Variants in SNTA1 observed in about 807,000 individuals in gnomAD.
SNTA1 encodes the protein alpha-1-syntrophin.
In SNTA1, 31 loss-of-function variants were observed where a neutral mutation model predicts 47.1. The ratio of observed to expected loss-of-function variants is 0.66; its 90% CI spans 0.49 to 0.89. The LOEUF (loss-of-function observed/expected upper bound fraction) is 0.89, where lower values mean the gene tolerates loss of function less well. Among genes scored for constraint, SNTA1 ranks in the 40% least tolerant of loss-of-function variants. The pLI is 0.00. For synonymous variants in SNTA1, 300 were observed against 313.6 expected, an observed-to-expected ratio of 0.96 and a Z score of 0.46; for missense variants, 575 against 693.0, an observed-to-expected ratio of 0.83 and a Z score of 1.91.
rs1568748410 is a variant in SNTA1 at position 33,412,662 on chromosome 20, C to T, written c.822G>A (p.Arg274=). 1 of 1,613,952 alleles carries T rather than the reference C, an allele frequency of 6.2e-7. No individual in the cohort carries two copies. Among genetic ancestry groups the T allele is most frequent in the Non-Finnish European group, 8.5e-7 (1 of 1,180,020 alleles). The stretch of plus-strand genomic sequence containing the variant: ...ACAGTGCCTGCAGCTCATCCTTGAC[C>T]CGCGGCGTCAGAGTATTGACCTGGG... ...IQAQVNTLTP[R]VKDELQALLA... Residue 274 remains arginine, a synonymous_variant, in exon 4 of 8, where the codon CGG becomes CGA. Coordinates refer to ENST00000217381, the MANE Select transcript of SNTA1 (RefSeq NM_003098.3).
intron 1 of SNTA1, among the ~76,000 whole-genome samples, chr20:33,440,017 C>T (rs375095264): frequency 5.3e-5 from 8 of 151,910 alleles, no homozygotes; most frequent in African/African-American, 1.7e-4. Context: ...CCCAGCTACT[C>T]GGGAGGCTGA....
At chr20:33,443,208 A>C in intron 1 of SNTA1, 103 bp downstream of exon 1, 3 of 890,004 alleles carry the variant, frequency 3.4e-6, no homozygotes, top group Non-Finnish European at 4.8e-6. Context: ...TTACCCCCAG[A>C]CAGGAAGCCT....
In SNTA1 at chr20:33,408,618, G is replaced by C; in HGVS notation, c.1426-19C>G. ...CCAGCTGCTGGAGGGTGGATGGAGA[G>C]AAGAGTCAGGGCCCTGGCCAGCCTG... On this transcript the variant is annotated intron_variant, in intron 7 of 7. Coordinates refer to ENST00000217381, the MANE Select transcript of SNTA1 (RefSeq NM_003098.3). 1.2e-6 allele frequency: 2 copies of C among 1,612,246 alleles called. No individual in the cohort carries two copies. The highest frequency in any genetic ancestry group is 4.5e-5 in the East Asian group (2 of 44,870).
intron 2 of SNTA1, among the ~76,000 whole-genome samples, chr20:33,426,162 AGCTGG>A (rs1196844911): frequency 1.3e-5 from 2 of 151,988 alleles, no homozygotes; most frequent in Non-Finnish European, 2.9e-5. Context: ...TAAAAGATTC[AGCTGG>A]GCCAGGCGCA....
rs535475086 is a variant in SNTA1 at position 33,417,378 on chromosome 20, G to A, written c.701+341C>T. Among the ~76,000 whole-genome samples, 17 of 152,232 alleles carry A rather than the reference G, an allele frequency of 1.1e-4. No individual in the cohort carries two copies. In the South Asian group the frequency reaches 3.1e-3, roughly 28 times the overall value. On this transcript the variant is annotated intron_variant, in intron 3 of 7. Coordinates refer to ENST00000217381, the MANE Select transcript of SNTA1 (RefSeq NM_003098.3). ...GAGCTCCAGCAGAGTGGGAAGAGAC[G>A]AGAGGATCAGTGAGTCCAACAACCT...
intron 6 of SNTA1, 126 bp downstream of exon 6, chr20:33,410,009 A>G: frequency 3.3e-6 from 3 of 915,948 alleles, no homozygotes; most frequent in Non-Finnish European, 5.3e-6. Flanking sequence ...CAGGTGATCC[A>G]CCCACCTTGA....
chr20:33,438,891 T>C lies in SNTA1; in HGVS notation c.446A>G (p.Asp149Gly). 6.2e-7 allele frequency: 1 copy of C among 1,614,100 alleles called. No individual in the cohort carries two copies. The highest frequency in any genetic ancestry group is 1.1e-5 in the South Asian group (1 of 91,088). The change falls in exon 2 of 8, where the codon GAT (aspartate) becomes GGT (glycine). Residue 149 changes from aspartate to glycine, a missense_variant. Transcript: ENST00000217381. ...NGEDLSSATH[D>G]EAVQVLKKTG... ...CTTCTTGAGGACCTGCACCGCCTCATCATGGGTAGCAGAGGACAAGTCTTC... is the reference window on the plus strand; with the variant it reads ...CTTCTTGAGGACCTGCACCGCCTCACCATGGGTAGCAGAGGACAAGTCTTC...
chr20:33,415,795 A>AC (rs2146769267), intron 3 of SNTA1, among the ~76,000 whole-genome samples: 1 of 150,754 alleles, frequency 6.6e-6, no homozygotes, highest in African/African-American at 2.4e-5. Context: ...TCTGTCCCAA[A>AC]AAAAAAAAAA....
At chr20:33,420,584 T>A (rs1026276373) in intron 2 of SNTA1, among the ~76,000 whole-genome samples, 2 of 152,186 alleles carry the variant, frequency 1.3e-5, no homozygotes, top group African/African-American at 4.8e-5. Context: ...CCTGTCTTCC[T>A]CCCTGGCTTC....
At chr20:33,440,692 C>T (rs1990557059) in intron 1 of SNTA1, among the ~76,000 whole-genome samples, 1 of 152,120 alleles carries the variant, frequency 6.6e-6, no homozygotes, top group Non-Finnish European at 1.5e-5. Context: ...GCGGTGTGTG[C>T]CTATAATTCC....
intron 2 of SNTA1, among the ~76,000 whole-genome samples, chr20:33,426,184 C>A (rs1990164679): frequency 6.6e-6 from 1 of 152,086 alleles, no homozygotes; most frequent in African/African-American, 2.4e-5. Context: ...CGCAGTGACT[C>A]ACGCCTGTAA....
At chr20:33,439,436 G>A (rs1033509418) in intron 1 of SNTA1, among the ~76,000 whole-genome samples, 1 of 152,172 alleles carries the variant, frequency 6.6e-6, no homozygotes, top group Non-Finnish European at 1.5e-5. Context: ...AGGCTGCAGT[G>A]AGCTGAGATT....
rs199762207 is a variant in SNTA1, at chr20:33,417,751, C to G, written c.669G>C (p.Ser223=). The part of the protein sequence containing the change: ...KHMSLKMAYV[S]KRCTPNDPEP... ...CCGGGTCATTGGGGGTGCACCTCTT[C>G]GAGACATATGCCATCTTCAAGGACA... The change falls in exon 3 of 8, where the codon TCG becomes TCC. Residue 223 remains serine, a synonymous_variant. Coordinates refer to ENST00000217381, the MANE Select transcript of SNTA1 (RefSeq NM_003098.3). 3.1e-6 allele frequency: 5 copies of G among 1,614,106 alleles called. No homozygotes were observed. The East Asian group carries it at 1.1e-4, about 36-fold the overall frequency.
chr20:33,438,921 T>C lies in SNTA1; in HGVS notation c.416A>G (p.Asn139Ser). The change falls in exon 2 of 8, where the codon AAT becomes AGT. Residue 139 changes from asparagine (N) to serine (S), a missense_variant. Transcript: ENST00000217381. ...LFVGDAILSV[N>S]GEDLSSATHD... ...GGTAGCAGAGGACAAGTCTTCCCCA[T>C]TCACAGACAGGATGGCATCCCCCAC... The C allele has an allele frequency of 6.2e-7, 1 of 1,614,140 alleles. No individual in the cohort carries two copies. Among genetic ancestry groups the C allele is most frequent in the Non-Finnish European group, 8.5e-7 (1 of 1,179,968 alleles).
Position 33,408,787 on chromosome 20 carries a change from G to A in SNTA1, c.1339C>T (p.Arg447Ter), listed in dbSNP as rs1187536758. ...ATCTGCAGCTTCTCGAAGGGCTGTC[G>A]CAGGAGCACAGCTCGGGCTGCACCT... ...EPGAARAVLLRQPFEKLQMSS... is the reference protein window; with the variant it reads ...EPGAARAVLL Residue 447 changes from arginine to a stop codon, truncating the protein, a stop_gained, in exon 7 of 8, where the codon CGA (arginine) becomes TGA (stop). Transcript: ENST00000217381. LOFTEE classifies it high-confidence loss of function. The A allele has an allele frequency of 1.9e-5, 31 of 1,613,942 alleles. No individual in the cohort carries two copies. The highest frequency in any genetic ancestry group is 2.4e-5 in the Non-Finnish European group (28 of 1,179,920).
intron 2 of SNTA1, among the ~76,000 whole-genome samples, chr20:33,433,210 G>A (rs966569524): frequency 3.3e-5 from 5 of 150,280 alleles, no homozygotes; most frequent in Non-Finnish European, 5.9e-5. Context: ...GATTACAGGC[G>A]TGAGCCACCT....
chr20:33,410,049 G>T, intron 6 of SNTA1, 86 bp downstream of exon 6: 1 of 1,403,582 alleles, frequency 7.1e-7, no homozygotes, highest in Non-Finnish European at 1.0e-6. Context: ...ATCCCCTCCT[G>T]AAGTGCCCTA....
At position 33,412,370 on chromosome 20, in the gene SNTA1, G is replaced by A. The variant is rs1989761072; in HGVS notation, c.966C>T (p.Leu322=). ...TLALLTEKEL[L]LYLSLPETRE... is the part of the protein sequence containing the mutation. ...GGGTCTCGGGGAGAGACAAGTAGAG[G>A]AGCAGTTCCTTTTCAGTTAGCAGGG... Residue 322 remains leucine (L), a synonymous_variant, in exon 5 of 8, where the codon CTC becomes CTT. Transcript: ENST00000217381. 6.2e-7 allele frequency: 1 copy of A among 1,611,726 alleles called. No homozygotes were observed. The highest frequency in any genetic ancestry group is 8.5e-7 in the Non-Finnish European group (1 of 1,179,374).
intron 2 of SNTA1, among the ~76,000 whole-genome samples, chr20:33,430,321 C>T (rs542471316): frequency 7.0e-6 from 1 of 143,372 alleles, no homozygotes; most frequent in Non-Finnish European, 1.5e-5. Context: ...CGGAGTCTCA[C>T]TCTGTCGCCC....
Sources: gnomAD v4.1 joint callset for allele counts (sites outside exome capture counted in the v4.1 genomes callset) on GRCh38, gnomAD v4.1.1 for gene constraint, MANE v1.5 for transcripts, NCBI Gene and HGNC (gene_info 2026-07-23, HGNC 2026-07-21) for gene names.